The following MAGI1 variants were observed in gnomAD, a reference collection of about 807,000 sequenced individuals.
The protein encoded by MAGI1 is membrane-associated guanylate kinase, WW and PDZ domain-containing protein 1.
In MAGI1, 58 loss-of-function variants were observed where a neutral mutation model predicts 139.9. The observed-to-expected ratio is 0.41, with a 90% CI of 0.34 to 0.52. MAGI1 has a LOEUF of 0.52. Ranked by LOEUF, MAGI1 falls within the 20% of genes least tolerant of loss-of-function variation. The pLI, the probability that MAGI1 is intolerant of heterozygous loss-of-function variation, is 0.12. For synonymous variants in MAGI1, 812 were observed against 737.9 expected (o/e 1.10, Z -1.63); for missense variants, 1,874 against 1,901.6 (o/e 0.99, Z 0.27).
chr3:65,899,353 G>A (rs1015711211), intron 1 of MAGI1, among the ~76,000 whole-genome samples: 24 of 152,268 alleles, frequency 1.6e-4, no homozygotes, highest in South Asian at 8.3e-4. Flanking sequence ...AACTACTCAG[G>A]TCCATTTTCT....
rs541523321 is a variant in MAGI1 at position 65,419,136 on chromosome 3, T to C, written c.2167+10384A>G. Among the ~76,000 whole-genome samples the C allele has an allele frequency of 2.6e-5, 4 of 152,230 alleles. No homozygotes were observed. The South Asian group carries it at 6.2e-4, about 24-fold the overall frequency. On this transcript the variant is annotated intron_variant, in intron 12 of 22. Transcript: ENST00000402939. ...CCCTCAGTAATCTCATTCAGCCCCA[T>C]GGCTCTAAATAACCTCTGATTCTAT...
chr3:65,372,394 A>T (rs1942087621), intron 18 of MAGI1, among the ~76,000 whole-genome samples: 1 of 152,224 alleles, frequency 6.6e-6, no homozygotes, highest in Admixed American at 6.5e-5. Flanking sequence ...ACCACAGCAC[A>T]ACATATGTGC....
At chr3:65,808,647 A>T (rs1258321318) in intron 1 of MAGI1, among the ~76,000 whole-genome samples, 2 of 152,206 alleles carry the variant, frequency 1.3e-5, no homozygotes, top group Non-Finnish European at 2.9e-5. Flanking sequence ...AACTGACACA[A>T]GTTACATACC....
intron 1 of MAGI1, among the ~76,000 whole-genome samples, chr3:65,918,101 A>G (rs2061994382): frequency 6.6e-6 from 1 of 151,486 alleles, no homozygotes; most frequent in Non-Finnish European, 1.5e-5. Flanking sequence ...AACGAAGTCT[A>G]TTGTTTTTAA....
At chr3:65,445,258 C>T (rs1159500993) in intron 7 of MAGI1, among the ~76,000 whole-genome samples, 1 of 152,194 alleles carries the variant, frequency 6.6e-6, no homozygotes, top group Non-Finnish European at 1.5e-5. Context: ...TGAACCACAT[C>T]TTTCTCCTGG....
chr3:65,784,395 G>C (rs1003689982), intron 1 of MAGI1, among the ~76,000 whole-genome samples: 2 of 152,152 alleles, frequency 1.3e-5, no homozygotes, highest in African/African-American at 4.8e-5. Context: ...AAACAACCCA[G>C]ATGCCTATCA....
At chr3:65,813,030 GA>G (rs71281377) in intron 1 of MAGI1, among the ~76,000 whole-genome samples, 5,375 of 141,000 alleles carry the variant, frequency 0.038, 119 homozygotes, top group Middle Eastern at 0.051. Context: ...TTTTCTAAAA[GA>G]AAAAAAAAAA....
chr3:65,396,588 C>T (rs1268048309), intron 13 of MAGI1, among the ~76,000 whole-genome samples: 1 of 152,120 alleles, frequency 6.6e-6, no homozygotes, highest in Non-Finnish European at 1.5e-5. Context: ...CTTGGAAGAG[C>T]AAATGAATAC....
intron 1 of MAGI1, among the ~76,000 whole-genome samples, chr3:65,735,486 A>G (rs1402651284): frequency 6.6e-6 from 1 of 152,128 alleles, no homozygotes. Flanking sequence ...GCGAGATTCC[A>G]TTAAGTTGAT....
At chr3:65,419,299 G>GTC (rs1946476710) in intron 12 of MAGI1, among the ~76,000 whole-genome samples, 1 of 151,244 alleles carries the variant, frequency 6.6e-6, no homozygotes, top group Non-Finnish European at 1.5e-5. Flanking sequence ...ATGTGTGTGT[G>GTC]TGTGTATGCA....
intron 1 of MAGI1, among the ~76,000 whole-genome samples, chr3:65,811,037 C>T (rs1055368113): frequency 4.6e-5 from 7 of 152,280 alleles, no homozygotes; most frequent in East Asian, 3.9e-4. Context: ...CATGGACAAA[C>T]GAAAGCACAC....
intron 1 of MAGI1, among the ~76,000 whole-genome samples, chr3:65,756,817 AC>A (rs1321011333): frequency 2.0e-5 from 3 of 152,222 alleles, no homozygotes; most frequent in Non-Finnish European, 4.4e-5. Flanking sequence ...AACTAAAACA[AC>A]AGAATACCCA....
intron 1 of MAGI1, among the ~76,000 whole-genome samples, chr3:65,994,065 G>A (rs534283296): frequency 6.6e-6 from 1 of 152,172 alleles, no homozygotes; most frequent in Admixed American, 6.5e-5. Flanking sequence ...CTAAAGGTCT[G>A]GAGTTCGAGA....
chr3:65,364,642 G>C (rs1315499794), intron 20 of MAGI1, 23 bp downstream of exon 20: 4 of 1,607,790 alleles, frequency 2.5e-6, no homozygotes, highest in South Asian at 1.1e-5. Context: ...AAAGTATAGA[G>C]AAAAAAGAGA....
intron 1 of MAGI1, among the ~76,000 whole-genome samples, chr3:65,948,469 A>G (rs957110129): frequency 4.6e-5 from 7 of 152,168 alleles, no homozygotes; most frequent in African/African-American, 1.7e-4. Flanking sequence ...TAAAACCCAA[A>G]TGGTTCAAGT....
intron 1 of MAGI1, among the ~76,000 whole-genome samples, chr3:65,960,385 C>T (rs1309699411): frequency 1.3e-5 from 2 of 152,178 alleles, no homozygotes. Context: ...ACAACCAAAT[C>T]ATAGTTCACA....
At chr3:65,957,706 G>A (rs1352304045) in intron 1 of MAGI1, among the ~76,000 whole-genome samples, 1 of 151,946 alleles carries the variant, frequency 6.6e-6, no homozygotes, top group Non-Finnish European at 1.5e-5. Context: ...GGTTACCAGG[G>A]AGCGAGCCTA....
intron 2 of MAGI1, among the ~76,000 whole-genome samples, chr3:65,617,892 C>T (rs1226255136): frequency 5.3e-5 from 8 of 152,146 alleles, no homozygotes; most frequent in African/African-American, 1.4e-4. Context: ...CAGTTAGATA[C>T]GCTGCCTGAC....
intron 1 of MAGI1, among the ~76,000 whole-genome samples, chr3:65,628,900 C>T (rs923550615): frequency 3.3e-5 from 5 of 152,142 alleles, no homozygotes; most frequent in African/African-American, 1.2e-4. Flanking sequence ...CTGTGACTTG[C>T]CTGTTCACAT....
Sources: allele counts gnomAD v4.1 joint callset (sites outside exome capture counted in the v4.1 genomes callset), GRCh38; gene constraint gnomAD v4.1.1; transcripts MANE v1.5; gene names NCBI Gene and HGNC (gene_info 2026-07-23, HGNC 2026-07-21).